Variants in GUCY1A2 observed in about 807,000 individuals in gnomAD.
GUCY1A2 encodes the protein guanylate cyclase 1 soluble subunit alpha 2.
GUCY1A2 carries 27 observed loss-of-function variants against 63.5 expected under a neutral mutation model. That is an observed-to-expected ratio of 0.43 (90% CI 0.31 to 0.59). The LOEUF is 0.59. Ranked by LOEUF, GUCY1A2 falls within the 20% of genes least tolerant of loss-of-function variation. The probability of loss-of-function intolerance (pLI) is 0.11; values close to 1 mark genes in which losing one functional copy is unlikely to be tolerated. For missense variants in GUCY1A2, 768 were observed against 913.3 expected, an observed-to-expected ratio of 0.84 and a Z score of 2.05; for synonymous variants, 364 against 343.5, an observed-to-expected ratio of 1.06 and a Z score of -0.66.
chr11:106,855,451 G>A (rs545969136), intron 4 of GUCY1A2, among the ~76,000 whole-genome samples: 1 of 151,172 alleles, frequency 6.6e-6, no homozygotes, highest in Non-Finnish European at 1.5e-5. Flanking sequence ...TATTCAATGT[G>A]TGGTTATCCT....
At chr11:106,855,736 A>G (rs867900741) in intron 4 of GUCY1A2, among the ~76,000 whole-genome samples, 1 of 152,056 alleles carries the variant, frequency 6.6e-6, no homozygotes, top group Admixed American at 6.6e-5. Flanking sequence ...TGAACACTCA[A>G]TTTTATTACA....
At position 106,676,496 on chromosome 11, in the gene GUCY1A2, A is replaced by G. The variant is rs890696240; in HGVS notation, c.*11053T>C. 1.6e-5 allele frequency: 3 copies of G among 186,628 alleles called. No individual in the cohort carries two copies. The Admixed American group carries it at 1.9e-4, about 12-fold the overall frequency. The allele number at this position is 186,628 out of a possible 1,614,324, so 11.6% of individuals were successfully genotyped here. On this transcript the variant is annotated 3_prime_UTR_variant, in exon 8 of 8. Transcript: ENST00000526355. ...TTTAAAACCTCAAAGACACAGAGCT[A>G]AGAAATATGGAATACATTGTATATT... is the stretch of plus-strand genomic sequence containing the variant.
At chr11:106,993,366 T>C (rs144020656) in intron 1 of GUCY1A2, among the ~76,000 whole-genome samples, 1 of 152,346 alleles carries the variant, frequency 6.6e-6, no homozygotes, top group African/African-American at 2.4e-5. Context: ...GATCAAATTA[T>C]ATAACTGACT....
chr11:106,895,121 G>A (rs1860028771), intron 4 of GUCY1A2, among the ~76,000 whole-genome samples: 1 of 152,098 alleles, frequency 6.6e-6, no homozygotes, highest in South Asian at 2.1e-4. Flanking sequence ...AATACTCTAT[G>A]CCCACAAATT....
At chr11:106,878,778 A>G (rs1859785116) in intron 4 of GUCY1A2, among the ~76,000 whole-genome samples, 1 of 78,884 alleles carries the variant, frequency 1.3e-5, no homozygotes, top group Non-Finnish European at 2.7e-5. Flanking sequence ...TTCAACTTAA[A>G]AGTTAAAAAA....
chr11:106,910,276 C>T (rs1464557144), intron 4 of GUCY1A2, among the ~76,000 whole-genome samples: 3 of 151,574 alleles, frequency 2.0e-5, no homozygotes, highest in African/African-American at 7.3e-5. Flanking sequence ...TAGTATGATC[C>T]CTATTATATT....
At chr11:106,985,719 TA>T (rs1861392662) in intron 2 of GUCY1A2, among the ~76,000 whole-genome samples, 1 of 152,208 alleles carries the variant, frequency 6.6e-6, no homozygotes, top group Non-Finnish European at 1.5e-5. Flanking sequence ...TTAAGGATTC[TA>T]AAATCCCATT....
At chr11:106,836,364 A>G (rs1335092774) in intron 4 of GUCY1A2, among the ~76,000 whole-genome samples, 3 of 152,008 alleles carry the variant, frequency 2.0e-5, no homozygotes, top group African/African-American at 7.2e-5. Flanking sequence ...AGAAAATCAA[A>G]AGAGAAAATA....
At chr11:106,876,560 C>G (rs1859752197) in intron 4 of GUCY1A2, among the ~76,000 whole-genome samples, 1 of 152,096 alleles carries the variant, frequency 6.6e-6, no homozygotes, top group African/African-American at 2.4e-5. Context: ...TCCTACAAAT[C>G]ATACATGACC....
chr11:106,955,643 G>A (rs554022486), intron 3 of GUCY1A2, among the ~76,000 whole-genome samples: 40 of 152,270 alleles, frequency 2.6e-4, no homozygotes, highest in South Asian at 8.3e-4. Context: ...TTTCTGGCTT[G>A]TAGAGTTTCT....
chr11:106,768,971 A>G (rs1864209118), intron 6 of GUCY1A2, among the ~76,000 whole-genome samples: 1 of 152,136 alleles, frequency 6.6e-6, no homozygotes, highest in Admixed American at 6.6e-5. Context: ...GTGAACCAGA[A>G]GTAGACAGGT....
chr11:106,926,876 A>G (rs1317172744), intron 4 of GUCY1A2, among the ~76,000 whole-genome samples: 3 of 151,386 alleles, frequency 2.0e-5, no homozygotes, highest in Non-Finnish European at 4.4e-5. Context: ...CCCATCAGGA[A>G]CAGCACAATA....
intron 1 of GUCY1A2, among the ~76,000 whole-genome samples, chr11:107,005,957 G>A (rs912478446): frequency 2.0e-5 from 3 of 152,204 alleles, no homozygotes; most frequent in African/African-American, 7.2e-5. Flanking sequence ...AAAGTATCAG[G>A]ATAACTGGTA....
chr11:106,795,207 C>T (rs1864732555), intron 5 of GUCY1A2, among the ~76,000 whole-genome samples: 1 of 152,110 alleles, frequency 6.6e-6, no homozygotes, highest in African/African-American at 2.4e-5. Context: ...ACTTTATCTT[C>T]AATACCCTTT....
At chr11:106,691,326 G>C (rs539480905) in intron 7 of GUCY1A2, among the ~76,000 whole-genome samples, 1 of 152,194 alleles carries the variant, frequency 6.6e-6, no homozygotes, top group Non-Finnish European at 1.5e-5. Context: ...GAAAGGGAGA[G>C]ATGATGACTA....
Position 106,685,312 on chromosome 11 carries a change from C to G in GUCY1A2, c.*2237G>C, listed in dbSNP as rs891414810. 1 of 207,960 alleles carries G rather than the reference C, an allele frequency of 4.8e-6. No homozygotes were observed. Among genetic ancestry groups the G allele is most frequent in the African/African-American group, 2.3e-5 (1 of 43,944 alleles). 12.9% of individuals were successfully genotyped at this position (207,960 alleles called of 1,614,324 possible). A position where few individuals can be genotyped will look rare whatever the true frequency, so the allele number is the denominator to read the frequency against. On this transcript the variant is annotated 3_prime_UTR_variant, in exon 8 of 8. Coordinates refer to ENST00000526355, the MANE Select transcript of GUCY1A2 (RefSeq NM_000855.3). ...AGATATATAAATACAATACTTCTCT[C>G]CAGGCCTATCACTAGTATTGAGGTG...
rs1377680613 is a variant in GUCY1A2 at position 106,681,719 on chromosome 11, T to C, written c.*5830A>G. 1 of 220,138 alleles carries C rather than the reference T, an allele frequency of 4.5e-6. No individual in the cohort carries two copies. The highest frequency in any genetic ancestry group is 9.1e-6 in the Non-Finnish European group (1 of 109,856). 13.6% of individuals were successfully genotyped at this position (220,138 alleles called of 1,614,324 possible). A position where few individuals can be genotyped will look rare whatever the true frequency, so the allele number is the denominator to read the frequency against. ...TCCACACCAGCTATATTATTGCTTGTATAAAACATGTTTCTGTTTTCACAA... is the reference window on the plus strand; with the variant it reads ...TCCACACCAGCTATATTATTGCTTGCATAAAACATGTTTCTGTTTTCACAA... On this transcript the variant is annotated 3_prime_UTR_variant, in exon 8 of 8. Coordinates refer to ENST00000526355, the MANE Select transcript of GUCY1A2 (RefSeq NM_000855.3).
chr11:106,810,562 G>A, intron 4 of GUCY1A2, 84 bp from the exon 5 acceptor site: 4 of 1,176,792 alleles, frequency 3.4e-6, no homozygotes, highest in Non-Finnish European at 2.4e-6. Context: ...TGAATAGAAA[G>A]AAAAAATGTT....
At chr11:106,886,830 T>A (rs1859906919) in intron 4 of GUCY1A2, among the ~76,000 whole-genome samples, 1 of 152,146 alleles carries the variant, frequency 6.6e-6, no homozygotes, top group Non-Finnish European at 1.5e-5. Flanking sequence ...CTTATCACAG[T>A]CCATCTTAGA....
Sources: allele counts gnomAD v4.1 joint callset (sites outside exome capture counted in the v4.1 genomes callset), GRCh38; gene constraint gnomAD v4.1.1; transcripts MANE v1.5; gene names NCBI Gene and HGNC (gene_info 2026-07-23, HGNC 2026-07-21).